Variants in METAP1D observed in about 807,000 individuals in gnomAD.
The protein encoded by METAP1D is methionine aminopeptidase 1D, mitochondrial.
A neutral mutation model predicts 40.5 loss-of-function variants in METAP1D; 31 were observed. The observed-to-expected ratio is 0.77, with a 90% CI of 0.58 to 1.03. METAP1D has a LOEUF of 1.03. Among genes scored for constraint, METAP1D ranks in the 50% least tolerant of loss-of-function variants. The pLI is 0.00. For synonymous variants in METAP1D, 151 were observed against 146.4 expected (o/e 1.03, Z -0.22); for missense variants, 411 against 420.7 (o/e 0.98, Z 0.20).
At chr2:172,052,196 T>A (rs1267648794) in intron 1 of METAP1D, among the ~76,000 whole-genome samples, 1 of 152,234 alleles carries the variant, frequency 6.6e-6, no homozygotes, top group African/African-American at 2.4e-5. Flanking sequence ...TAATAAACAC[T>A]GTGGCTTTAT....
intron 1 of METAP1D, among the ~76,000 whole-genome samples, chr2:172,031,301 A>G (rs1203636722): frequency 6.6e-6 from 1 of 152,118 alleles, no homozygotes; most frequent in Non-Finnish European, 1.5e-5. Context: ...GTATGTTTTC[A>G]GTAGTCTTGG....
chr2:172,051,305 G>A (rs1310097954), intron 1 of METAP1D, among the ~76,000 whole-genome samples: 1 of 152,088 alleles, frequency 6.6e-6, no homozygotes, highest in East Asian at 1.9e-4. Context: ...ATATTATTAA[G>A]TAGGAATGTT....
chr2:172,064,068 A>G (rs966700519), intron 3 of METAP1D: 2 of 570,096 alleles, frequency 3.5e-6, no homozygotes, highest in African/African-American at 3.9e-5. Context: ...TCAAGAAGTA[A>G]TTTAAAATCC....
At chr2:172,042,206 T>C (rs531192845) in intron 1 of METAP1D, among the ~76,000 whole-genome samples, 4 of 62,502 alleles carry the variant, frequency 6.4e-5, no homozygotes, top group African/African-American at 1.7e-4. Flanking sequence ...CACATATACA[T>C]ATGTATGTGT....
chr2:172,073,448 A>T (rs1574144662), intron 6 of METAP1D, among the ~76,000 whole-genome samples: 1 of 152,278 alleles, frequency 6.6e-6, no homozygotes, highest in Middle Eastern at 3.4e-3. Flanking sequence ...AGCTATCTGG[A>T]TACAAAGGTC....
chr2:172,064,671 T>C (rs746409114), intron 3 of METAP1D, among the ~76,000 whole-genome samples: 1 of 151,438 alleles, frequency 6.6e-6, no homozygotes, highest in Non-Finnish European at 1.5e-5. Flanking sequence ...TTCATAATAA[T>C]CTGAAGCACC....
intron 1 of METAP1D, 72 bp downstream of exon 1, chr2:172,000,081 G>A (rs1688422414): frequency 1.8e-5 from 22 of 1,236,392 alleles, no homozygotes; most frequent in Non-Finnish European, 2.3e-5. Context: ...GGTCCAAAGG[G>A]ATGCGCACCC....
At chr2:172,042,851 A>ATATGTACACATATACGTGTGTGTG (rs1689626681) in intron 1 of METAP1D, among the ~76,000 whole-genome samples, 166 of 6,706 alleles carry the variant, frequency 0.025, 70 homozygotes, top group Admixed American at 0.068. Context: ...GTGTGTGTGT[A>ATATGTACACATATACGTGTGTGTG]TATATGTACA....
At chr2:172,012,004 A>T (rs1177123427) in intron 1 of METAP1D, among the ~76,000 whole-genome samples, 1 of 152,228 alleles carries the variant, frequency 6.6e-6, no homozygotes, top group Non-Finnish European at 1.5e-5. Context: ...TATGAAAGTT[A>T]ACTCTTGCCA....
rs771911058 is a variant in METAP1D, at chr2:172,061,642, A to C, written c.185A>C (p.His62Pro). Residue 62 changes from histidine to proline, a missense_variant, in exon 2 of 10, where the codon CAT (histidine) becomes CCT (proline). Physicochemically the swap from His to Pro is moderately conservative, Grantham distance 77. Coordinates refer to ENST00000315796, the MANE Select transcript of METAP1D (RefSeq NM_199227.3). ...IVLPAAVSSAHPVPKHIKKPD... is the reference protein window; with the variant it reads ...IVLPAAVSSAPPVPKHIKKPD... ...TTGCCGGCTGCAGTTTCTTCAGCTC[A>C]TCCGGTTCCTAAGGTACTGTATTGC... 1.2e-6 allele frequency: 2 copies of C among 1,612,162 alleles called. No individual in the cohort carries two copies. Among genetic ancestry groups the C allele is most frequent in the East Asian group, 4.5e-5 (2 of 44,836 alleles).
intron 6 of METAP1D, among the ~76,000 whole-genome samples, chr2:172,071,898 G>C (rs183981743): frequency 6.6e-6 from 1 of 152,246 alleles, no homozygotes; most frequent in Non-Finnish European, 1.5e-5. Flanking sequence ...AAAAGATGCT[G>C]CCTTTTTTTC....
At chr2:172,045,036 A>C (rs55893301) in intron 1 of METAP1D, among the ~76,000 whole-genome samples, 46,070 of 133,276 alleles carry the variant, frequency 0.35, 14,028 homozygotes, top group East Asian at 0.59. Flanking sequence ...AGTGAGATAC[A>C]GTTTTTCATT....
At chr2:172,045,805 GTGTGTGTGTGTGTGTATATATA>G (rs1452062502) in intron 1 of METAP1D, among the ~76,000 whole-genome samples, 2 of 29,802 alleles carry the variant, frequency 6.7e-5, no homozygotes, top group Non-Finnish European at 1.5e-4. Flanking sequence ...ATATGTGTGT[GTGTGTGTGTGTGTGTATATATA>G]TATATATATA....
chr2:172,052,910 T>C (rs1689916245), intron 1 of METAP1D, among the ~76,000 whole-genome samples: 1 of 152,232 alleles, frequency 6.6e-6, no homozygotes, highest in Non-Finnish European at 1.5e-5. Flanking sequence ...CATTCCCTAG[T>C]AGTGCATGTG....
At chr2:172,039,698 C>G (rs960389798) in intron 1 of METAP1D, among the ~76,000 whole-genome samples, 1 of 148,094 alleles carries the variant, frequency 6.8e-6, no homozygotes, top group Non-Finnish European at 1.5e-5. Flanking sequence ...GATGAACTCT[C>G]GCTCTATCGC....
At chr2:172,008,595 A>C (rs1486801813) in intron 1 of METAP1D, among the ~76,000 whole-genome samples, 1 of 152,232 alleles carries the variant, frequency 6.6e-6, no homozygotes, top group Non-Finnish European at 1.5e-5. Flanking sequence ...GGTAAGGTTT[A>C]ATTTATAAAT....
intron 1 of METAP1D, among the ~76,000 whole-genome samples, chr2:172,054,287 C>T (rs535039223): frequency 1.3e-5 from 2 of 152,012 alleles, no homozygotes; most frequent in African/African-American, 2.4e-5. Context: ...TTTGGGAGGC[C>T]GAGGTGGGCG....
intron 5 of METAP1D, among the ~76,000 whole-genome samples, chr2:172,067,243 A>G: frequency 6.6e-6 from 1 of 152,252 alleles, no homozygotes; most frequent in African/African-American, 2.4e-5. Context: ...CAGGGAATAC[A>G]ATTTCTATTA....
intron 1 of METAP1D, among the ~76,000 whole-genome samples, chr2:172,020,112 A>G (rs753213839): frequency 8.5e-5 from 13 of 152,076 alleles, no homozygotes; most frequent in Non-Finnish European, 1.3e-4. Flanking sequence ...TCAGCCTCCC[A>G]GGTAGCTGGG....
Sources: allele counts gnomAD v4.1 joint callset (sites outside exome capture counted in the v4.1 genomes callset), GRCh38; gene constraint gnomAD v4.1.1; transcripts MANE v1.5; gene names NCBI Gene and HGNC (gene_info 2026-07-23, HGNC 2026-07-21).